Variants in MYO18B observed in about 807,000 individuals in gnomAD.
The protein encoded by MYO18B is myosin XVIIIB, also known as unconventional myosin-XVIIIb.
In MYO18B, 204 loss-of-function variants were observed where a neutral mutation model predicts 273.0. The observed-to-expected ratio is 0.75, with a 90% confidence interval of 0.67 to 0.84. MYO18B has a LOEUF of 0.84. Ranked by LOEUF, MYO18B falls within the 40% of genes least tolerant of loss-of-function variation. The pLI, the probability that MYO18B is intolerant of heterozygous loss-of-function variation, is 0.00. For synonymous variants in MYO18B, 1,330 were observed against 1,305.7 expected (o/e 1.02, Z -0.40); for missense variants, 3,212 against 3,287.6 (o/e 0.98, Z 0.56).
At chr22:25,802,351 C>T (rs1464192636) in intron 12 of MYO18B, among the ~76,000 whole-genome samples, 1 of 152,130 alleles carries the variant, frequency 6.6e-6, no homozygotes, top group African/African-American at 2.4e-5. Context: ...CTCTCTGAAC[C>T]CCATCCTTTA....
Position 25,891,346 on chromosome 22 carries a change from A to T in MYO18B, c.4477A>T (p.Lys1493Ter). 1 of 1,583,946 alleles carries T rather than the reference A, an allele frequency of 6.3e-7. No homozygotes were observed. Residue 1493 changes from lysine (K) to a stop codon, truncating the protein, a stop_gained, in exon 27 of 44, where the codon AAA becomes TAA. Transcript: ENST00000335473. LOFTEE classifies it high-confidence loss of function. Reference protein sequence around the residue: ...QVQKKLGDVNKQLEEAQQKIQ... With the variant: ...QVQKKLGDVN Reference sequence around the variant, plus strand: ...CCAGAAAAAACTGGGAGATGTGAATAAACAGTTGGAAGAAGCCCAGCAGAA... The same window carrying T: ...CCAGAAAAAACTGGGAGATGTGAATTAACAGTTGGAAGAAGCCCAGCAGAA...
chr22:25,969,989 CCAT>C (rs994178742), intron 39 of MYO18B, among the ~76,000 whole-genome samples: 2 of 152,112 alleles, frequency 1.3e-5, no homozygotes, highest in African/African-American at 4.8e-5. Context: ...ATCACCACCA[CCAT>C]CACCACCAAC....
At chr22:26,024,395 C>A (rs1391439374) in intron 42 of MYO18B, among the ~76,000 whole-genome samples, 4 of 152,170 alleles carry the variant, frequency 2.6e-5, no homozygotes, top group Non-Finnish European at 5.9e-5. Context: ...CCTGCAAGAC[C>A]CAGAAGCAGG....
Position 25,952,292 on chromosome 22 carries a change from G to T in MYO18B, c.5839G>T (p.Val1947Leu), listed in dbSNP as rs1025900865. Reference protein sequence around the residue: ...EKHKLQEQLQVAQMRIEYLEQ... With the variant: ...EKHKLQEQLQLAQMRIEYLEQ... Reference sequence around the variant, plus strand: ...ACTTCTCTCATACTTACAGCTGCAGGTGGCTCAGATGCGCATCGAGTACCT... The same window carrying T: ...ACTTCTCTCATACTTACAGCTGCAGTTGGCTCAGATGCGCATCGAGTACCT... The change falls in exon 38 of 44, where the codon GTG (valine) becomes TTG (leucine). Residue 1947 changes from valine (V) to leucine (L), a missense_variant. By Grantham distance (32) the Val-to-Leu change is conservative. Coordinates refer to ENST00000335473, the MANE Select transcript of MYO18B (RefSeq NM_032608.7). The T allele has an allele frequency of 4.3e-6, 7 of 1,609,656 alleles. No homozygotes were observed. The African/African-American group carries it at 6.7e-5, about 15-fold the overall frequency.
At chr22:25,922,610 T>A (rs1199956303) in intron 34 of MYO18B, among the ~76,000 whole-genome samples, 2 of 152,160 alleles carry the variant, frequency 1.3e-5, no homozygotes, top group African/African-American at 4.8e-5. Context: ...ACCTGCCTTC[T>A]TGGAGGGTTA....
At chr22:25,941,397 G>T (rs372718481) in intron 34 of MYO18B, among the ~76,000 whole-genome samples, 1 of 152,104 alleles carries the variant, frequency 6.6e-6, no homozygotes, top group Admixed American at 6.6e-5. Flanking sequence ...CTTCCCTGTC[G>T]CCTGTCAACC....
intron 37 of MYO18B, among the ~76,000 whole-genome samples, chr22:25,951,974 C>T (rs1195574573): frequency 6.6e-6 from 1 of 152,174 alleles, no homozygotes; most frequent in Non-Finnish European, 1.5e-5. Flanking sequence ...AGCTTTGCTC[C>T]TTGATCAGAG....
intron 30 of MYO18B, 91 bp from the exon 31 acceptor site, chr22:25,903,540 C>A: frequency 7.3e-7 from 1 of 1,365,438 alleles, no homozygotes; most frequent in South Asian, 1.4e-5. Flanking sequence ...GAAAACGCCA[C>A]TCCAGCCCCA....
In MYO18B at chr22:25,952,273, C is replaced by T. The variant is rs1461382571; in HGVS notation, c.5833-13C>T. 1 of 1,606,734 alleles carries T rather than the reference C, an allele frequency of 6.2e-7. No homozygotes were observed. The highest frequency in any genetic ancestry group is 8.5e-7 in the Non-Finnish European group (1 of 1,177,154). On this transcript the variant is annotated splice_polypyrimidine_tract_variant and intron_variant, in intron 37 of 43. Coordinates refer to ENST00000335473, the MANE Select transcript of MYO18B (RefSeq NM_032608.7). ...GACAACAGATGTCCAATAGACTTCT[C>T]TCATACTTACAGCTGCAGGTGGCTC...
chr22:26,060,364 A>G, the MYO18B span, among the ~76,000 whole-genome samples: 4 of 152,246 alleles, frequency 2.6e-5, no homozygotes, highest in Non-Finnish European at 5.9e-5. Flanking sequence ...TTAAGGAAAT[A>G]TCAGAGAAAC....
At chr22:26,018,696 T>C (rs1265984138) in intron 42 of MYO18B, among the ~76,000 whole-genome samples, 1 of 152,198 alleles carries the variant, frequency 6.6e-6, no homozygotes, top group African/African-American at 2.4e-5. Flanking sequence ...CTCACGCCCA[T>C]AATCCTAGCA....
intron 12 of MYO18B, among the ~76,000 whole-genome samples, chr22:25,815,965 A>T (rs373508212): frequency 1.3e-5 from 2 of 152,202 alleles, no homozygotes; most frequent in African/African-American, 4.8e-5. Context: ...GCATCAATTT[A>T]TAGATGGCAC....
At chr22:25,952,147 A>G in intron 37 of MYO18B, 139 bp from the exon 38 acceptor site, 4 of 961,906 alleles carry the variant, frequency 4.2e-6, no homozygotes, top group East Asian at 5.3e-5. Context: ...TTGTGCAGAC[A>G]TTTAACATGC....
intron 39 of MYO18B, among the ~76,000 whole-genome samples, chr22:25,976,118 T>C (rs2093086330): frequency 6.6e-6 from 1 of 152,210 alleles, no homozygotes; most frequent in African/African-American, 2.4e-5. Flanking sequence ...TGGGAGGTGC[T>C]GCTGATATCT....
At chr22:25,872,373 G>A (rs2269634) in intron 22 of MYO18B, among the ~76,000 whole-genome samples, 32,316 of 152,072 alleles carry the variant, frequency 0.21, 4,177 homozygotes, top group East Asian at 0.4. Flanking sequence ...TCATGTTGAC[G>A]GACATTGAGA....
At chr22:25,795,560 C>G (rs2087872245) in intron 11 of MYO18B, among the ~76,000 whole-genome samples, 1 of 152,130 alleles carries the variant, frequency 6.6e-6, no homozygotes, top group African/African-American at 2.4e-5. Flanking sequence ...GGGCACTGTC[C>G]TTTTGGCGCC....
chr22:25,830,943 T>TC (rs1170864441), intron 15 of MYO18B, among the ~76,000 whole-genome samples: 2 of 152,244 alleles, frequency 1.3e-5, no homozygotes, highest in Non-Finnish European at 2.9e-5. Flanking sequence ...ATTTTATTTT[T>TC]CCCATAATAT....
In MYO18B at chr22:25,802,764, A is replaced by AC. The variant is rs1292552528; in HGVS notation, c.2521+4667_2521+4668insC. 3.2e-3 allele frequency among the ~76,000 whole-genome samples: 289 copies of AC among 91,266 alleles called. 9 individuals carry two copies. The highest frequency in any genetic ancestry group is 5.7e-3 in the Non-Finnish European group (227 of 40,102). The allele number at this position is 91,266 out of a possible 152,430, so 59.9% of individuals were successfully genotyped here. ...CAAGACTCTGTCTCAAAAAAAAAAAAAAAAAAAAAAAACCCCTATAGCCTT... is the reference window on the plus strand; with the variant it reads ...CAAGACTCTGTCTCAAAAAAAAAAAACAAAAAAAAAAAACCCCTATAGCCTT... On this transcript the variant is annotated intron_variant, in intron 12 of 43. Transcript: ENST00000335473.
At chr22:25,992,213 C>G in intron 39 of MYO18B, 150 bp from the exon 40 acceptor site, 1 of 880,260 alleles carries the variant, frequency 1.1e-6, no homozygotes, top group Non-Finnish European at 1.7e-6. Flanking sequence ...TAAATCTGTC[C>G]GCAGAGAGAG....
Sources: gnomAD v4.1 joint callset for allele counts (sites outside exome capture counted in the v4.1 genomes callset) on GRCh38, gnomAD v4.1.1 for gene constraint, MANE v1.5 for transcripts, NCBI Gene and HGNC (gene_info 2026-07-23, HGNC 2026-07-21) for gene names.